RND1: variants seen among roughly 807,000 people sequenced by gnomAD.
RND1 encodes the protein rho-related GTP-binding protein Rho6.
A neutral mutation model predicts 27.1 loss-of-function variants in RND1; 9 were observed. That is an observed-to-expected ratio of 0.33 (90% CI 0.20 to 0.58). The LOEUF (loss-of-function observed/expected upper bound fraction) is 0.58, where lower values mean the gene tolerates loss of function less well. Among genes scored for constraint, RND1 ranks in the 20% least tolerant of loss-of-function variants. RND1 has a pLI of 0.86. For missense variants in RND1, 253 were observed against 292.2 expected (o/e 0.87, Z 0.98); for synonymous variants, 108 against 115.7 (o/e 0.93, Z 0.43).
In RND1 at chr12:48,865,779, C is replaced by G. The variant is rs756450296; in HGVS notation, c.-12G>C. 17 of 1,578,136 alleles carry G rather than the reference C, an allele frequency of 1.1e-5. No individual in the cohort carries two copies. In the African/African-American group the frequency reaches 1.6e-4, roughly 15 times the overall value. Reference sequence around the variant, plus strand: ...CGTCTCTCCTTCATGGTTGCAGTGTCCGCGGGACTTGAACTTCGATTCAGA... The same window carrying G: ...CGTCTCTCCTTCATGGTTGCAGTGTGCGCGGGACTTGAACTTCGATTCAGA... On this transcript the variant is annotated 5_prime_UTR_variant, in exon 1 of 5. Transcript: ENST00000309739.
intron 4 of RND1, 139 bp downstream of exon 4, chr12:48,860,858 C>T (rs1938910581): frequency 1.6e-6 from 2 of 1,221,164 alleles, no homozygotes; most frequent in East Asian, 2.3e-5. Context: ...CCACCTCTCT[C>T]CAGGTGACTC....
intron 2 of RND1, 71 bp from the exon 3 acceptor site, chr12:48,862,189 GCCCTGGGAATACCATCCTCAAT>G: frequency 2.3e-6 from 2 of 865,918 alleles, no homozygotes; most frequent in Non-Finnish European, 3.8e-6. Context: ...AAGCCCTAAA[GCCCTGGGAATACCATCCTCAAT>G]CCCTGAGGAT....
rs1429846419 is a variant in RND1 at position 48,858,035 on chromosome 12, G to C, written c.660C>G (p.Thr220=). ...AGCTTTTGGCCTTTTCCTTCTTGAA[G>C]GTAGAAGAGATGAGTTCAGAGCGAC... is the stretch of plus-strand genomic sequence containing the variant. ...LPSRSELISS[T]FKKEKAKSCS... The change falls in exon 5 of 5, where the codon ACC becomes ACG. Residue 220 remains threonine (T), a synonymous_variant. Transcript: ENST00000309739. 1.2e-6 allele frequency: 2 copies of C among 1,612,626 alleles called. No individual in the cohort carries two copies. The highest frequency in any genetic ancestry group is 1.3e-5 in the African/African-American group (1 of 74,940).
chr12:48,860,922 AG>A (rs1938910971), intron 4 of RND1, 74 bp downstream of exon 4: 1 of 1,589,570 alleles, frequency 6.3e-7, no homozygotes, highest in Admixed American at 1.7e-5. Context: ...AATTTGAGCC[AG>A]GGCCATATTT....
At chr12:48,865,607 G>T in intron 1 of RND1, 41 bp downstream of exon 1, 2 of 1,582,046 alleles carry the variant, frequency 1.3e-6, no homozygotes, top group Non-Finnish European at 1.7e-6. Context: ...AGGCGGGCAG[G>T]CAGGGAGAAA....
chr12:48,858,271 G>A (rs1374745182), intron 4 of RND1, 30 bp from the exon 5 acceptor site: 6 of 1,606,436 alleles, frequency 3.7e-6, no homozygotes, highest in Non-Finnish European at 5.1e-6. Context: ...CATTAATGCA[G>A]TGGGCCAAAA....
Position 48,864,661 on chromosome 12 carries a change from T to C in RND1, c.208+122A>G, listed in dbSNP as rs1938963474. 3 of 786,628 alleles carry C rather than the reference T, an allele frequency of 3.8e-6. No homozygotes were observed. The Admixed American group carries it at 5.4e-5, about 14-fold the overall frequency. The allele number at this position is 786,628 out of a possible 1,614,324, so 48.7% of individuals were successfully genotyped here. A position where few individuals can be genotyped will look rare whatever the true frequency, so the allele number is the denominator to read the frequency against. Reference sequence around the variant, plus strand: ...AACTGTCAGCCCTCCCCACAACTAATGAGTCTTCAGATCCTCTTTTTTCAC... The same window carrying C: ...AACTGTCAGCCCTCCCCACAACTAACGAGTCTTCAGATCCTCTTTTTTCAC... On this transcript the variant is annotated intron_variant, in intron 2 of 4. Coordinates refer to ENST00000309739, the MANE Select transcript of RND1 (RefSeq NM_014470.4).
At chr12:48,859,083 C>G (rs1388576578) in intron 4 of RND1, 1 of 150,920 alleles carries the variant, frequency 6.6e-6, no homozygotes, top group Admixed American at 6.6e-5. Flanking sequence ...CTCAGCCTCC[C>G]GAGTAGCTGG....
chr12:48,861,268 G>T, intron 3 of RND1, 137 bp from the exon 4 acceptor site: 1 of 886,408 alleles, frequency 1.1e-6, no homozygotes, highest in Non-Finnish European at 1.7e-6. Flanking sequence ...CTCCCTCTGA[G>T]TCACAGCATC....
intron 2 of RND1, among the ~76,000 whole-genome samples, chr12:48,864,012 A>G (rs900307468): frequency 1.3e-5 from 2 of 152,098 alleles, no homozygotes; most frequent in African/African-American, 4.8e-5. Flanking sequence ...GAGAGGCTGG[A>G]AAAACATTGT....
At chr12:48,858,457 C>G in intron 4 of RND1, 1 of 522,406 alleles carries the variant, frequency 1.9e-6, no homozygotes. Flanking sequence ...CGATGCCTGA[C>G]TGCACATTAT....
At position 48,861,152 on chromosome 12, in the gene RND1, AAGGGTAGGAG is replaced by A. The variant is rs765945995; in HGVS notation, c.319-31_319-22del. ...CTCCACTGAGGGGTGGAGCAGGAAG[AAGGGTAGGAG>A]AAGGAGGAAGGAAGGAGAGTTAGTG... is the stretch of plus-strand genomic sequence containing the variant. On this transcript the variant is annotated intron_variant, in intron 3 of 4. Transcript: ENST00000309739. 3.3e-5 allele frequency: 53 copies of A among 1,593,160 alleles called. 1 individual carries two copies. The South Asian group carries it at 5.9e-4, about 18-fold the overall frequency.
Position 48,862,046 on chromosome 12 carries a change from A to C in RND1, c.281T>G (p.Ile94Ser), listed in dbSNP as rs145288407. Residue 94 changes from isoleucine (I) to serine (S), a missense_variant, in exon 3 of 5, where the codon ATC (isoleucine) becomes AGC (serine). Transcript: ENST00000309739. Reference sequence around the variant, plus strand: ...GCTGTCCACTGTCTCTGGACGGCTGATGTCAAAACATAGTAATACTGCATC... The same window carrying C: ...GCTGTCCACTGTCTCTGGACGGCTGCTGTCAAAACATAGTAATACTGCATC... ...DSDAVLLCFDISRPETVDSAL... is the reference protein window; with the variant it reads ...DSDAVLLCFDSSRPETVDSAL... 268 of 1,612,862 alleles carry C rather than the reference A, an allele frequency of 1.7e-4. No homozygotes were observed. Among genetic ancestry groups the C allele is most frequent in the Non-Finnish European group, 2.1e-4 (246 of 1,178,830 alleles).
chr12:48,858,351 C>A, intron 4 of RND1, 110 bp from the exon 5 acceptor site: 2 of 1,188,572 alleles, frequency 1.7e-6, no homozygotes, highest in East Asian at 2.5e-5. Context: ...CTGCCAGTCT[C>A]CAAACACCAC....
chr12:48,865,682 A>G lies in RND1; in HGVS notation c.86T>C (p.Met29Thr). ...VGDVQCGKTA[M>T]LQVLAKDCYP... ...GCAATCCTTCGCTAACACTTGCAACATCGCGGTCTTCCCACACTGCACGTC... is the reference window on the plus strand; with the variant it reads ...GCAATCCTTCGCTAACACTTGCAACGTCGCGGTCTTCCCACACTGCACGTC... The change falls in exon 1 of 5, where the codon ATG (methionine) becomes ACG (threonine). Residue 29 changes from methionine (M) to threonine (T), a missense_variant. Transcript: ENST00000309739. 6.2e-7 allele frequency: 1 copy of G among 1,614,114 alleles called. No individual in the cohort carries two copies. The highest frequency in any genetic ancestry group is 8.5e-7 in the Non-Finnish European group (1 of 1,179,984).
In RND1 at chr12:48,861,094, C is replaced by T. The variant is rs144662472; in HGVS notation, c.356G>A (p.Arg119His). The T allele has an allele frequency of 2.4e-5, 38 of 1,613,736 alleles. No individual in the cohort carries two copies. The highest frequency in any genetic ancestry group is 2.0e-4 in the Admixed American group (12 of 60,006). ...TGTCTTGCAGCCAATGAGCAAAACGCGGGTGCTGGGACAATAATCTAGGAT... is the reference window on the plus strand; with the variant it reads ...TGTCTTGCAGCCAATGAGCAAAACGTGGGTGCTGGGACAATAATCTAGGAT... ...TEILDYCPST[R>H]VLLIGCKTDL... The change falls in exon 4 of 5, where the codon CGC (arginine) becomes CAC (histidine). Residue 119 changes from arginine (R) to histidine (H), a missense_variant. By Grantham distance (29) the Arg-to-His change is conservative. Coordinates refer to ENST00000309739, the MANE Select transcript of RND1 (RefSeq NM_014470.4).
intron 2 of RND1, among the ~76,000 whole-genome samples, chr12:48,862,733 A>G (rs1242089503): frequency 6.6e-6 from 1 of 152,212 alleles, no homozygotes; most frequent in Non-Finnish European, 1.5e-5. Flanking sequence ...TCTCAAAGAC[A>G]GCAGCACCGA....
intron 2 of RND1, among the ~76,000 whole-genome samples, chr12:48,863,521 A>G (rs1938945149): frequency 6.6e-6 from 1 of 152,076 alleles, no homozygotes; most frequent in South Asian, 2.1e-4. Flanking sequence ...AGCAGATGAA[A>G]AACCAAAAAT....
chr12:48,865,586 A>C (rs761567793), intron 1 of RND1, 62 bp downstream of exon 1: 1 of 1,551,706 alleles, frequency 6.4e-7, no homozygotes, highest in South Asian at 1.2e-5. Flanking sequence ...AGCAGGTGGA[A>C]ATCTACCCCA....
Sources: gnomAD v4.1 joint callset for allele counts (sites outside exome capture counted in the v4.1 genomes callset) on GRCh38, gnomAD v4.1.1 for gene constraint, MANE v1.5 for transcripts, NCBI Gene and HGNC (gene_info 2026-07-23, HGNC 2026-07-21) for gene names.